The following TOM1L2 variants were observed in gnomAD, a reference collection of about 807,000 sequenced individuals.
TOM1L2 encodes the protein target of myb1 like 2 membrane trafficking protein.
A neutral mutation model predicts 67.9 loss-of-function variants in TOM1L2; 31 were observed. The ratio of observed to expected loss-of-function variants is 0.46; its 90% CI spans 0.34 to 0.62. The LOEUF is 0.62. Among genes scored for constraint, TOM1L2 ranks in the 20% least tolerant of loss-of-function variants. The pLI is 0.01. For synonymous variants in TOM1L2, 256 were observed against 254.0 expected, an observed-to-expected ratio of 1.01 and a Z score of -0.07; for missense variants, 606 against 663.5, an observed-to-expected ratio of 0.91 and a Z score of 0.95.
chr17:17,949,309 C>A (rs114741730), intron 1 of TOM1L2, among the ~76,000 whole-genome samples: 9 of 152,144 alleles, frequency 5.9e-5, no homozygotes, highest in Non-Finnish European at 1.3e-4. Flanking sequence ...ACATCTAGCA[C>A]GGCAGAGCAT....
At chr17:17,860,676 C>G (rs996750090) in intron 12 of TOM1L2, among the ~76,000 whole-genome samples, 6 of 152,236 alleles carry the variant, frequency 3.9e-5, no homozygotes, top group African/African-American at 1.4e-4. Flanking sequence ...GGCAGCTATT[C>G]CAAGGACCCT....
rs1057055997 is a variant in TOM1L2, at chr17:17,868,257, G to A, written c.911+1083C>T. Among the ~76,000 whole-genome samples, 69 of 152,160 alleles carry A rather than the reference G, an allele frequency of 4.5e-4. 1 individual carries two copies. The highest frequency in any genetic ancestry group is 5.9e-5 in the Non-Finnish European group (4 of 68,038). On this transcript the variant is annotated intron_variant, in intron 8 of 14. Transcript: ENST00000379504. ...GGGATGCCCCCACACTTACTGCAGA[G>A]GTTTATTCACCTGTCAGGTGGGCAC... is the stretch of plus-strand genomic sequence containing the variant.
chr17:17,916,082 T>TC (rs1294719413), intron 1 of TOM1L2, among the ~76,000 whole-genome samples: 1 of 150,840 alleles, frequency 6.6e-6, no homozygotes, highest in East Asian at 1.9e-4. Context: ...AGATTTTTTT[T>TC]TTTTTTTTTG....
intron 6 of TOM1L2, 141 bp downstream of exon 6, chr17:17,882,564 C>A: frequency 1.7e-6 from 2 of 1,161,520 alleles, no homozygotes; most frequent in Non-Finnish European, 2.4e-6. Flanking sequence ...CATCTCTCTC[C>A]CCTGGGGATT....
At chr17:17,861,133 TG>T (rs1342610017) in intron 12 of TOM1L2, among the ~76,000 whole-genome samples, 1 of 152,178 alleles carries the variant, frequency 6.6e-6, no homozygotes, top group Non-Finnish European at 1.5e-5. Flanking sequence ...GGGGCCACTG[TG>T]GTAGGAACAG....
chr17:17,897,115 C>T (rs929357364), intron 3 of TOM1L2, among the ~76,000 whole-genome samples: 1 of 152,164 alleles, frequency 6.6e-6, no homozygotes, highest in African/African-American at 2.4e-5. Flanking sequence ...CCATCCAACA[C>T]GATTACCATG....
Position 17,861,500 on chromosome 17 carries a change from G to A in TOM1L2, c.1254C>T (p.Asp418=). ...CCCCTTCTGAACTCTGTTTTCGATT[G>A]TCTAGTGCAGAAGCAAGTCCTCCGA... ...QAVGGLASAL[D]NRKQSSEGIP... The change falls in exon 12 of 15, where the codon GAC becomes GAT. Residue 418 remains aspartate (D), a synonymous_variant. Transcript: ENST00000379504. 3 of 1,614,102 alleles carry A rather than the reference G, an allele frequency of 1.9e-6. No individual in the cohort carries two copies. The highest frequency in any genetic ancestry group is 1.1e-5 in the South Asian group (1 of 91,092).
chr17:17,929,341 T>C (rs1450276059), intron 1 of TOM1L2, among the ~76,000 whole-genome samples: 1 of 152,138 alleles, frequency 6.6e-6, no homozygotes, highest in Non-Finnish European at 1.5e-5. Context: ...GATAGGGATA[T>C]TCAAGAATGT....
intron 1 of TOM1L2, among the ~76,000 whole-genome samples, chr17:17,932,113 G>A (rs1029412647): frequency 2.0e-4 from 30 of 152,092 alleles, no homozygotes; most frequent in African/African-American, 7.0e-4. Context: ...CCAGCTATAT[G>A]TCTTCCACAC....
chr17:17,878,304 C>T (rs2037528701), intron 7 of TOM1L2, among the ~76,000 whole-genome samples: 1 of 152,236 alleles, frequency 6.6e-6, no homozygotes, highest in African/African-American at 2.4e-5. Context: ...CCACTCAGGA[C>T]TCCTCACTGG....
chr17:17,932,929 C>G (rs937605739), intron 1 of TOM1L2, among the ~76,000 whole-genome samples: 2 of 152,114 alleles, frequency 1.3e-5, no homozygotes, highest in Non-Finnish European at 2.9e-5. Context: ...TTTTTAATTG[C>G]ACAATATGTA....
chr17:17,919,388 T>G (rs2039758783), intron 1 of TOM1L2, among the ~76,000 whole-genome samples: 1 of 152,082 alleles, frequency 6.6e-6, no homozygotes, highest in Non-Finnish European at 1.5e-5. Flanking sequence ...TAAACAGCCA[T>G]CCACAAGCTA....
intron 1 of TOM1L2, among the ~76,000 whole-genome samples, chr17:17,924,091 C>T (rs749717710): frequency 6.6e-6 from 1 of 152,062 alleles, no homozygotes; most frequent in Non-Finnish European, 1.5e-5. Context: ...GAGCCGAGAT[C>T]GCGCCACTGC....
intron 1 of TOM1L2, among the ~76,000 whole-genome samples, chr17:17,917,513 G>A (rs1281838312): frequency 3.3e-5 from 4 of 119,796 alleles, no homozygotes; most frequent in East Asian, 2.9e-4. Flanking sequence ...TGCCCAGTCT[G>A]GACTCAAACT....
rs546669609 is a variant in TOM1L2, at chr17:17,866,981, G to A, written c.912-57C>T. On this transcript the variant is annotated intron_variant, in intron 8 of 14. Transcript: ENST00000379504. ...GAGAGGATGCCTGTGATATGGCCCT[G>A]TGGGGTGCTCACTAGTCCTATGAAG... 195 of 1,544,004 alleles carry A rather than the reference G, an allele frequency of 1.3e-4. 4 individuals carry two copies. In the South Asian group the frequency reaches 2.1e-3, roughly 16 times the overall value.
intron 2 of TOM1L2, among the ~76,000 whole-genome samples, chr17:17,904,777 C>A (rs1350284047): frequency 6.6e-6 from 1 of 152,068 alleles, no homozygotes; most frequent in African/African-American, 2.4e-5. Context: ...CAGCTTGTAT[C>A]CCTTGACACA....
intron 1 of TOM1L2, among the ~76,000 whole-genome samples, chr17:17,936,820 A>G (rs973660035): frequency 2.0e-5 from 3 of 152,242 alleles, no homozygotes; most frequent in Non-Finnish European, 1.5e-5. Flanking sequence ...TGTTTATAGT[A>G]GTAACCTTTG....
intron 1 of TOM1L2, among the ~76,000 whole-genome samples, chr17:17,964,557 T>C (rs1016480443): frequency 1.3e-5 from 2 of 152,250 alleles, no homozygotes; most frequent in African/African-American, 4.8e-5. Flanking sequence ...ATTTTTTCTA[T>C]ATCTTTCATA....
intron 1 of TOM1L2, among the ~76,000 whole-genome samples, chr17:17,942,649 A>C (rs1004090153): frequency 6.6e-6 from 1 of 152,238 alleles, no homozygotes; most frequent in African/African-American, 2.4e-5. Flanking sequence ...TAGTAGGCTC[A>C]GAGTAAGTAA....
Sources: allele counts gnomAD v4.1 joint callset (sites outside exome capture counted in the v4.1 genomes callset), GRCh38; gene constraint gnomAD v4.1.1; transcripts MANE v1.5; gene names NCBI Gene and HGNC (gene_info 2026-07-23, HGNC 2026-07-21).